Variants in RAB5IF observed in about 807,000 individuals in gnomAD.
The protein encoded by RAB5IF is GEL complex subunit OPTI.
In RAB5IF, 15 loss-of-function variants were observed where a neutral mutation model predicts 20.3. The observed-to-expected ratio is 0.74, with a 90% confidence interval of 0.50 to 1.14. The LOEUF (loss-of-function observed/expected upper bound fraction) is 1.14. Among genes scored for constraint, RAB5IF ranks in the 50% most tolerant of loss-of-function variants. The probability of loss-of-function intolerance (pLI) is 0.00; values close to 1 mark genes in which losing one functional copy is unlikely to be tolerated. For missense variants in RAB5IF, 148 were observed against 159.5 expected (o/e 0.93, Z 0.39); for synonymous variants, 67 against 63.7 (o/e 1.05, Z -0.25).
rs1568594503 is a variant in RAB5IF, at chr20:36,607,839, A to AT, written c.218+25dup. ...GCAGGGTAAGTCTTGGGTATCTTAT[A>AT]TTTTCATGGTATCATTTCTTTTTAA... On this transcript the variant is annotated intron_variant, in intron 2 of 3. Coordinates refer to ENST00000344795, the MANE Select transcript of RAB5IF (RefSeq NM_018840.5). 3 of 1,612,450 alleles carry AT rather than the reference A, an allele frequency of 1.9e-6. No individual in the cohort carries two copies. The South Asian group carries it at 3.3e-5, about 18-fold the overall frequency.
rs1046104932 is a variant in RAB5IF at position 36,607,009 on chromosome 20, C to A, written c.115-706C>A. 7.9e-5 allele frequency among the ~76,000 whole-genome samples: 12 copies of A among 152,138 alleles called. No homozygotes were observed. The East Asian group carries it at 9.6e-4, about 12-fold the overall frequency. ...CTCTAATCTGCTGTGTCATTTCTTT[C>A]TTTTCTTGTATAAGGACTGGTTTCT... On this transcript the variant is annotated intron_variant, in intron 1 of 3. Transcript: ENST00000344795.
rs2147964566 is a variant in RAB5IF at position 36,609,626 on chromosome 20, C to T, written c.244C>T (p.Leu82=). ...AGFCLINAGV[L]YLYFSNYLQI... ...ATTCTGCCTGATCAATGCAGGAGTC[C>T]TGTACCTCTACTTCAGCAATTACCT... Residue 82 remains leucine, a synonymous_variant, in exon 3 of 4, where the codon CTG becomes TTG. Coordinates refer to ENST00000344795, the MANE Select transcript of RAB5IF (RefSeq NM_018840.5). 6.2e-7 allele frequency: 1 copy of T among 1,610,260 alleles called. No homozygotes were observed. The highest frequency in any genetic ancestry group is 8.5e-7 in the Non-Finnish European group (1 of 1,177,952).
In RAB5IF at chr20:36,608,556, CTTTTTT is replaced by C. The variant is rs34058641; in HGVS notation, c.218+757_218+762del. On this transcript the variant is annotated intron_variant, in intron 2 of 3. Coordinates refer to ENST00000344795, the MANE Select transcript of RAB5IF (RefSeq NM_018840.5). ...CAGCAGGTCTGGCATCGGTCTCATT[CTTTTTT>C]TTTTTTTTTTTTTTTTTTAAAGACA... 6.7e-5 allele frequency among the ~76,000 whole-genome samples: 7 copies of C among 104,910 alleles called. No individual in the cohort carries two copies. In the East Asian group the frequency reaches 8.3e-4, roughly 12 times the overall value. The allele number at this position is 104,910 out of a possible 152,430, so 68.8% of individuals were successfully genotyped here.
chr20:36,609,156 TACACACACACAC>T lies in RAB5IF; in HGVS notation c.219-418_219-407del, dbSNP rs765034845. Among the ~76,000 whole-genome samples, 31 of 17,064 alleles carry T rather than the reference TACACACACACAC, an allele frequency of 1.8e-3. 1 individual carries two copies. Among genetic ancestry groups the T allele is most frequent in the Middle Eastern group, 0.083 (2 of 24 alleles). 11.2% of individuals were successfully genotyped at this position (17,064 alleles called of 152,430 possible). On this transcript the variant is annotated intron_variant, in intron 2 of 3. Transcript: ENST00000344795. The stretch of plus-strand genomic sequence containing the variant: ...TTCAAGGGGCTTTGGAGAACTATAT[TACACACACACAC>T]ACACACACACACACACACACACACA...
chr20:36,607,843 T>G, intron 2 of RAB5IF, 25 bp downstream of exon 2: 1 of 1,612,650 alleles, frequency 6.2e-7, no homozygotes, highest in Non-Finnish European at 8.5e-7. Flanking sequence ...TCTTATATTT[T>G]CATGGTATCA....
chr20:36,609,547 C>T, intron 2 of RAB5IF, 54 bp from the exon 3 acceptor site: 1 of 1,524,920 alleles, frequency 6.6e-7, no homozygotes, highest in Admixed American at 2.1e-5. Context: ...GCCCCGAGTT[C>T]TGAGTCTTCT....
intron 2 of RAB5IF, among the ~76,000 whole-genome samples, chr20:36,609,230 C>CT (rs1568595664): frequency 3.2e-4 from 41 of 126,924 alleles, no homozygotes; most frequent in African/African-American, 1.4e-3. Flanking sequence ...CACACACACA[C>CT]ACACACACAC....
At chr20:36,610,758 A>G (rs1339690555) in intron 3 of RAB5IF, among the ~76,000 whole-genome samples, 1 of 152,200 alleles carries the variant, frequency 6.6e-6, no homozygotes, top group Non-Finnish European at 1.5e-5. Context: ...GAACCTTAAA[A>G]CATCATACTA....
At position 36,609,618 on chromosome 20, in the gene RAB5IF, C is replaced by T. The variant is rs2044183394; in HGVS notation, c.236C>T (p.Ala79Val). The T allele has an allele frequency of 6.2e-7, 1 of 1,605,826 alleles. No homozygotes were observed. Among genetic ancestry groups the T allele is most frequent in the South Asian group, 1.1e-5 (1 of 89,820 alleles). ...TGCTCCAGATTCTGCCTGATCAATGCAGGAGTCCTGTACCTCTACTTCAGC... is the reference window on the plus strand; with the variant it reads ...TGCTCCAGATTCTGCCTGATCAATGTAGGAGTCCTGTACCTCTACTTCAGC... Reference protein sequence around the residue: ...LGIAGFCLINAGVLYLYFSNY... With the variant: ...LGIAGFCLINVGVLYLYFSNY... The change falls in exon 3 of 4, where the codon GCA becomes GTA. Residue 79 changes from alanine to valine, a missense_variant. Ala to Val is a moderately conservative substitution (Grantham distance 64). Coordinates refer to ENST00000344795, the MANE Select transcript of RAB5IF (RefSeq NM_018840.5).
rs1483885594 is a variant in RAB5IF at position 36,612,289 on chromosome 20, T to C, written c.*238T>C. The C allele has an allele frequency of 1.4e-6, 2 of 1,458,620 alleles. No homozygotes were observed. The highest frequency in any genetic ancestry group is 1.9e-6 in the Non-Finnish European group (2 of 1,039,912). 90.4% of individuals were successfully genotyped at this position (1,458,620 alleles called of 1,614,324 possible). On this transcript the variant is annotated 3_prime_UTR_variant, in exon 4 of 4. Coordinates refer to ENST00000344795, the MANE Select transcript of RAB5IF (RefSeq NM_018840.5). ...AATTTATCCATCACCAACCATTTCT[T>C]CTTGGATACCATCAAGTAACAGCTA...
chr20:36,607,781 G>T lies in RAB5IF; in HGVS notation c.181G>T (p.Gly61Ter). The T allele has an allele frequency of 6.2e-7, 1 of 1,614,046 alleles. No homozygotes were observed. The highest frequency in any genetic ancestry group is 8.5e-7 in the Non-Finnish European group (1 of 1,179,956). ...TGCTGTGGTCCTGGGTGTCATTTGG[G>T]GAGTTTTGCCATTACGAGGGTTCTT... ...IIAVVLGVIWGVLPLRGFLGI... is the reference protein window; with the variant it reads ...IIAVVLGVIW Residue 61 changes from glycine (G) to a stop codon, truncating the protein, a stop_gained, in exon 2 of 4, where the codon GGA becomes TGA. Coordinates refer to ENST00000344795, the MANE Select transcript of RAB5IF (RefSeq NM_018840.5). LOFTEE classifies it high-confidence loss of function.
At chr20:36,607,585 C>CA in intron 1 of RAB5IF, 130 bp from the exon 2 acceptor site, 1 of 992,598 alleles carries the variant, frequency 1.0e-6, no homozygotes, top group South Asian at 1.5e-5. Flanking sequence ...AAACAGGAAG[C>CA]ACATACTGTT....
At position 36,609,215 on chromosome 20, in the gene RAB5IF, A is replaced by C. The variant is rs577060609; in HGVS notation, c.219-386A>C. Among the ~76,000 whole-genome samples, 2 of 77,222 alleles carry C rather than the reference A, an allele frequency of 2.6e-5. 1 individual carries two copies. Among genetic ancestry groups the C allele is most frequent in the Non-Finnish European group, 5.0e-5 (2 of 40,262 alleles). The allele number at this position is 77,222 out of a possible 152,430, so 50.7% of individuals were successfully genotyped here. A position where few individuals can be genotyped will look rare whatever the true frequency, so the allele number is the denominator to read the frequency against. ...CACACGCACACACGCACACACGCACACACGCACACACACACACACACACAC... is the reference window on the plus strand; with the variant it reads ...CACACGCACACACGCACACACGCACCCACGCACACACACACACACACACAC... On this transcript the variant is annotated intron_variant, in intron 2 of 3. Coordinates refer to ENST00000344795, the MANE Select transcript of RAB5IF (RefSeq NM_018840.5).
intron 3 of RAB5IF, among the ~76,000 whole-genome samples, chr20:36,611,694 G>A (rs990876362): frequency 4.6e-5 from 7 of 151,956 alleles, no homozygotes; most frequent in African/African-American, 1.5e-4. Flanking sequence ...ATTGGTAGTC[G>A]CAGCACCTGC....
At chr20:36,609,178 C>G (rs1163069957) in intron 2 of RAB5IF, among the ~76,000 whole-genome samples, 3 of 31,948 alleles carry the variant, frequency 9.4e-5, no homozygotes, top group South Asian at 2.5e-3. Flanking sequence ...CACACACACA[C>G]ACACACACAC....
chr20:36,612,249 G>A lies in RAB5IF; in HGVS notation c.*198G>A, dbSNP rs1202166025. 3 of 1,605,148 alleles carry A rather than the reference G, an allele frequency of 1.9e-6. No homozygotes were observed. In the East Asian group the frequency reaches 6.7e-5, roughly 36 times the overall value. ...AACTTTTTAAAAACCACCCACCTTT[G>A]GGGAAGCATTTCTGAATTTATCCAT... On this transcript the variant is annotated 3_prime_UTR_variant, in exon 4 of 4. Transcript: ENST00000344795.
chr20:36,608,311 C>T (rs2038982665), intron 2 of RAB5IF: 1 of 195,822 alleles, frequency 5.1e-6, no homozygotes, highest in Admixed American at 5.5e-5. Context: ...CTGGCACCAT[C>T]ACAGCTGACT....
At chr20:36,610,145 G>A (rs2039072491) in intron 3 of RAB5IF, among the ~76,000 whole-genome samples, 2 of 152,088 alleles carry the variant, frequency 1.3e-5, no homozygotes, top group African/African-American at 4.8e-5. Context: ...TTAGTTGGGT[G>A]TAGTGGCGGG....
intron 2 of RAB5IF, among the ~76,000 whole-genome samples, chr20:36,609,176 C>T (rs1199647351): frequency 9.3e-4 from 26 of 28,070 alleles, no homozygotes; most frequent in South Asian, 2.8e-3. Context: ...CACACACACA[C>T]ACACACACAC....
Sources: gnomAD v4.1 joint callset for allele counts (sites outside exome capture counted in the v4.1 genomes callset) on GRCh38, gnomAD v4.1.1 for gene constraint, MANE v1.5 for transcripts, NCBI Gene and HGNC (gene_info 2026-07-23, HGNC 2026-07-21) for gene names.